RBFOX1: variants seen among roughly 807,000 people sequenced by gnomAD.
RBFOX1 encodes the protein RNA binding protein fox-1 homolog 1.
RBFOX1 carries 8 observed loss-of-function variants against 57.7 expected under a neutral mutation model. The ratio of observed to expected loss-of-function variants is 0.14; its 90% CI spans 0.08 to 0.25. RBFOX1 has a LOEUF of 0.25. RBFOX1 is among the 10% of genes least tolerant of loss of function. The pLI is 1.00. For synonymous variants in RBFOX1, 326 were observed against 222.4 expected (o/e 1.47, Z -4.15); for missense variants, 611 against 548.5 (o/e 1.11, Z -1.14).
chr16:6,563,659 C>A (rs553327389), intron 2 of RBFOX1, among the ~76,000 whole-genome samples: 8 of 152,000 alleles, frequency 5.3e-5, no homozygotes, highest in South Asian at 2.1e-4. Context: ...TTATCAGCAA[C>A]GTGGCAAAAG....
At chr16:5,756,430 C>T (rs1408601856) in intron 3 of RBFOX1, among the ~76,000 whole-genome samples, 2 of 152,076 alleles carry the variant, frequency 1.3e-5, no homozygotes, top group Non-Finnish European at 2.9e-5. Flanking sequence ...GACCTGGTTT[C>T]TTCAGGGATC....
intron 12 of RBFOX1, among the ~76,000 whole-genome samples, chr16:7,663,976 T>A (rs2068498730): frequency 6.6e-6 from 1 of 152,200 alleles, no homozygotes. Context: ...CCCAGCCCTC[T>A]GAAGTCTCTT....
chr16:5,389,086 G>A (rs1306758854), intron 1 of RBFOX1, among the ~76,000 whole-genome samples: 1 of 151,608 alleles, frequency 6.6e-6, no homozygotes, highest in Non-Finnish European at 1.5e-5. Flanking sequence ...AGCTACTCGG[G>A]AGGCTGAGGC....
chr16:6,906,114 A>G (rs1051183145), intron 3 of RBFOX1, among the ~76,000 whole-genome samples: 28 of 152,198 alleles, frequency 1.8e-4, no homozygotes, highest in African/African-American at 5.8e-4. Context: ...CATTAAAAAA[A>G]AATTATAATG....
chr16:6,092,570 G>C (rs2096190699), intron 1 of RBFOX1: 1 of 152,188 alleles, frequency 6.6e-6, no homozygotes, highest in Non-Finnish European at 1.5e-5. Flanking sequence ...TTTGTATATG[G>C]TGTAAGGAAG....
At chr16:6,773,091 G>C (rs1482835558) in intron 3 of RBFOX1, among the ~76,000 whole-genome samples, 1 of 143,048 alleles carries the variant, frequency 7.0e-6, no homozygotes, top group East Asian at 2.2e-4. Context: ...GTATGTGTGG[G>C]CGTGGGGTGC....
chr16:7,200,095 C>T lies in RBFOX1; in HGVS notation c.27+147997C>T, dbSNP rs776985133. 5.3e-5 allele frequency among the ~76,000 whole-genome samples: 8 copies of T among 152,158 alleles called. No homozygotes were observed. In the South Asian group the frequency reaches 6.2e-4, roughly 12 times the overall value. On this transcript the variant is annotated intron_variant, in intron 4 of 15. Coordinates refer to ENST00000550418, the MANE Select transcript of RBFOX1 (RefSeq NM_018723.4). ...TACTAGTCATAATACATAATAGTGT[C>T]AGGGACATGAACACATAGCACCAAC... is the stretch of plus-strand genomic sequence containing the variant.
chr16:6,804,792 A>C (rs2086336097), intron 3 of RBFOX1, among the ~76,000 whole-genome samples: 1 of 152,166 alleles, frequency 6.6e-6, no homozygotes, highest in African/African-American at 2.4e-5. Context: ...TCTATTGCCA[A>C]GTATGTGCAT....
chr16:7,546,967 G>T (rs549713818), intron 5 of RBFOX1, among the ~76,000 whole-genome samples: 85 of 152,190 alleles, frequency 5.6e-4, no homozygotes, highest in African/African-American at 1.7e-3. Flanking sequence ...TTGATAGTCA[G>T]ATAAAACTAA....
upstream of RBFOX1, among the ~76,000 whole-genome samples, chr16:6,018,173 G>A (rs1345061098): frequency 6.9e-6 from 1 of 145,664 alleles, no homozygotes; most frequent in Non-Finnish European, 1.5e-5. Flanking sequence ...AGAAAGGAAG[G>A]AAGGGAGGAA....
intron 2 of RBFOX1, among the ~76,000 whole-genome samples, chr16:6,498,340 A>G (rs1199848301): frequency 6.6e-6 from 1 of 152,132 alleles, no homozygotes; most frequent in Non-Finnish European, 1.5e-5. Context: ...AGAGAGACTT[A>G]TGAGCAGAAA....
chr16:6,465,152 C>T (rs1201389970), intron 2 of RBFOX1, among the ~76,000 whole-genome samples: 1 of 152,156 alleles, frequency 6.6e-6, no homozygotes, highest in Non-Finnish European at 1.5e-5. Flanking sequence ...TTTCTTGTTT[C>T]TGTGCGATCA....
chr16:7,012,082 A>T (rs2093679794), intron 3 of RBFOX1, among the ~76,000 whole-genome samples: 3 of 152,194 alleles, frequency 2.0e-5, no homozygotes, highest in African/African-American at 7.2e-5. Context: ...GGTCAGACGT[A>T]TGGAGTCACC....
intron 2 of RBFOX1, among the ~76,000 whole-genome samples, chr16:6,393,866 A>G (rs1046549147): frequency 2.0e-5 from 3 of 152,228 alleles, no homozygotes; most frequent in Non-Finnish European, 4.4e-5. Flanking sequence ...GAACTGTGTC[A>G]GGAAACCAGC....
intron 4 of RBFOX1, among the ~76,000 whole-genome samples, chr16:7,507,565 C>CTTTTTTTTT (rs3030308): frequency 7.5e-6 from 1 of 132,560 alleles, no homozygotes; most frequent in African/African-American, 2.9e-5. Flanking sequence ...TTCTTTCTTT[C>CTTTTTTTTT]TTTTTTTTTT....
intron 3 of RBFOX1, among the ~76,000 whole-genome samples, chr16:6,920,365 C>G (rs1229619142): frequency 1.3e-5 from 2 of 152,156 alleles, no homozygotes; most frequent in Non-Finnish European, 2.9e-5. Context: ...ATGATACAAT[C>G]TCTCTCTTCT....
intron 3 of RBFOX1, among the ~76,000 whole-genome samples, chr16:6,894,682 C>G (rs912097041): frequency 6.6e-6 from 1 of 152,174 alleles, no homozygotes; most frequent in Non-Finnish European, 1.5e-5. Context: ...AACTGATAGC[C>G]TCGACCTCAC....
intron 2 of RBFOX1, among the ~76,000 whole-genome samples, chr16:6,635,279 CTTG>C (rs990534554): frequency 1.9e-4 from 29 of 151,284 alleles, no homozygotes; most frequent in Admixed American, 1.2e-3. Flanking sequence ...AACATTAGTT[CTTG>C]TTGTTAACCT....
At chr16:6,984,250 A>T (rs2153597263) in intron 3 of RBFOX1, among the ~76,000 whole-genome samples, 1 of 152,246 alleles carries the variant, frequency 6.6e-6, no homozygotes, top group African/African-American at 2.4e-5. Context: ...TCCATCTTAA[A>T]CATAAAATAA....
Sources: gnomAD v4.1 joint callset for allele counts (sites outside exome capture counted in the v4.1 genomes callset) on GRCh38, gnomAD v4.1.1 for gene constraint, MANE v1.5 for transcripts, NCBI Gene and HGNC (gene_info 2026-07-23, HGNC 2026-07-21) for gene names.